The following SETD2 variants were observed in gnomAD, a reference collection of about 807,000 sequenced individuals.
SETD2 encodes SET domain containing 2, histone lysine methyltransferase.
Under a neutral mutation model 242.1 loss-of-function variants are expected in SETD2, and 31 were observed. The ratio of observed to expected loss-of-function variants is 0.13; its 90% CI spans 0.10 to 0.17. SETD2 has a LOEUF of 0.17. SETD2 is among the 10% of genes least tolerant of loss of function. The pLI, the probability that SETD2 is intolerant of heterozygous loss-of-function variation, is 1.00. For synonymous variants in SETD2, 1,006 were observed against 1,066.5 expected (o/e 0.94, Z 1.11); for missense variants, 2,481 against 3,046.3 (o/e 0.81, Z 4.37).
intron 6 of SETD2, 53 bp from the exon 7 acceptor site, chr3:47,103,476 G>A (rs2042292084): frequency 2.5e-6 from 3 of 1,195,352 alleles, no homozygotes; most frequent in East Asian, 4.7e-5. Context: ...AAATATTCAT[G>A]CAATTACCTG....
intron 17 of SETD2, among the ~76,000 whole-genome samples, chr3:47,038,621 AC>A (rs1352997998): frequency 2.6e-5 from 4 of 152,062 alleles, no homozygotes; most frequent in Non-Finnish European, 5.9e-5. Context: ...GTCTTAAAAA[AC>A]AAACAAAAAA....
intron 12 of SETD2, among the ~76,000 whole-genome samples, chr3:47,070,158 C>T (rs946301230): frequency 1.3e-5 from 2 of 152,116 alleles, no homozygotes; most frequent in Non-Finnish European, 2.9e-5. Context: ...CACTCTGTAG[C>T]GGCAGTTAAT....
intron 5 of SETD2, 44 bp downstream of exon 5, chr3:47,113,832 T>G: frequency 6.3e-7 from 1 of 1,589,128 alleles, no homozygotes; most frequent in Non-Finnish European, 8.6e-7. Flanking sequence ...GAGTGAGACC[T>G]TGTCTCAAAA....
intron 15 of SETD2, among the ~76,000 whole-genome samples, chr3:47,050,751 GAC>G (rs1277680212): frequency 2.7e-3 from 57 of 21,240 alleles, no homozygotes; most frequent in African/African-American, 0.017. Flanking sequence ...TTTTTTTTGA[GAC>G]AGAGTCTCAC....
chr3:47,041,969 A>G (rs928230509), intron 17 of SETD2, among the ~76,000 whole-genome samples: 1 of 152,254 alleles, frequency 6.6e-6, no homozygotes, highest in Non-Finnish European at 1.5e-5. Context: ...CCTTTTACAG[A>G]AAAGATCTGT....
chr3:47,024,206 C>T (rs2038364639), intron 18 of SETD2, among the ~76,000 whole-genome samples: 1 of 152,200 alleles, frequency 6.6e-6, no homozygotes, highest in Admixed American at 6.5e-5. Context: ...GGCGTGGTGA[C>T]TCACGCCTGT....
intron 9 of SETD2, 64 bp downstream of exon 9, chr3:47,097,891 C>G (rs2107673620): frequency 6.4e-7 from 1 of 1,558,140 alleles, no homozygotes; most frequent in South Asian, 1.1e-5. Context: ...AACCTTCAAT[C>G]AGAAAAGCCA....
At chr3:47,118,601 G>A (rs1310520365) in intron 3 of SETD2, among the ~76,000 whole-genome samples, 1 of 150,764 alleles carries the variant, frequency 6.6e-6, no homozygotes. Context: ...CCCGGCAGAG[G>A]TTGCAGTGAG....
chr3:47,156,057 G>A (rs1559770802), intron 1 of SETD2, among the ~76,000 whole-genome samples: 1 of 152,120 alleles, frequency 6.6e-6, no homozygotes, highest in East Asian at 1.9e-4. Context: ...AGCAAATTGA[G>A]CAGCCTCTTA....
intron 17 of SETD2, among the ~76,000 whole-genome samples, chr3:47,039,494 T>G (rs1271934828): frequency 6.6e-6 from 1 of 151,724 alleles, no homozygotes; most frequent in African/African-American, 2.4e-5. Flanking sequence ...ACTACAGGCG[T>G]AAGCCACCAT....
intron 1 of SETD2, among the ~76,000 whole-genome samples, chr3:47,161,154 A>G (rs1448425270): frequency 2.0e-5 from 3 of 152,074 alleles, no homozygotes; most frequent in Non-Finnish European, 2.9e-5. Flanking sequence ...TTCATCCTCA[A>G]CTTAAATCCT....
At chr3:47,162,552 G>C (rs1697521244) in intron 1 of SETD2, among the ~76,000 whole-genome samples, 1 of 152,184 alleles carries the variant, frequency 6.6e-6, no homozygotes, top group Admixed American at 6.5e-5. Context: ...CACCTCAACA[G>C]AATCCGTTTG....
At position 47,027,336 on chromosome 3, in the gene SETD2, CAAAAAAAAAA is replaced by C. The variant is rs145911577; in HGVS notation, c.7351-7506_7351-7497del. ...TGGGCGACAGAGCGAGACTCCATCT[CAAAAAAAAAA>C]AAAAAAAAAAAAAAAGAGAACACAT... On this transcript the variant is annotated intron_variant, in intron 18 of 20. Transcript: ENST00000409792. Among the ~76,000 whole-genome samples, 89 of 103,774 alleles carry C rather than the reference CAAAAAAAAAA, an allele frequency of 8.6e-4. 1 individual carries two copies. Among genetic ancestry groups the C allele is most frequent in the African/African-American group, 4.3e-3 (82 of 18,954 alleles). 68.1% of individuals were successfully genotyped at this position (103,774 alleles called of 152,430 possible). A position where few individuals can be genotyped will look rare whatever the true frequency, so the allele number is the denominator to read the frequency against.
Position 47,037,688 on chromosome 3 carries a change from G to T in SETD2, c.7328C>A (p.Thr2443Lys), listed in dbSNP as rs1209297833. The T allele has an allele frequency of 6.2e-7, 1 of 1,613,622 alleles. No individual in the cohort carries two copies. The highest frequency in any genetic ancestry group is 1.7e-5 in the Admixed American group (1 of 60,008). The change falls in exon 18 of 21, where the codon ACA becomes AAA. Residue 2443 changes from threonine (T) to lysine (K), a missense_variant. By Grantham distance (78) the Thr-to-Lys change is moderately conservative. This residue lies in a region of SETD2 where 40 missense variants were observed against 89.5 expected (regional missense o/e 0.45). Transcript: ENST00000409792. ...CACCTTCATGGGGTTTTCATCATATGTTGGAGTTCCCAGGTCCATCTCAGC... is the reference window on the plus strand; with the variant it reads ...CACCTTCATGGGGTTTTCATCATATTTTGGAGTTCCCAGGTCCATCTCAGC... ...HEAEMDLGTP[T>K]YDENPMKASK...
chr3:47,144,236 G>A (rs991590396), intron 1 of SETD2, among the ~76,000 whole-genome samples: 1 of 152,148 alleles, frequency 6.6e-6, no homozygotes, highest in Non-Finnish European at 1.5e-5. Context: ...ACTCACACCT[G>A]TAATCCCAAC....
Position 47,084,305 on chromosome 3 carries a change from T to A in SETD2, c.5475A>T (p.Gln1825His), listed in dbSNP as rs761473538. The change falls in exon 12 of 21, where the codon CAA becomes CAT. Residue 1825 changes from glutamine to histidine, a missense_variant. Physicochemically the swap from Gln to His is conservative, Grantham distance 24. This residue lies in a region of SETD2 where 203 missense variants were observed against 222.4 expected (regional missense o/e 0.91). Coordinates refer to ENST00000409792, the MANE Select transcript of SETD2 (RefSeq NM_014159.7). ...CAGCAGTCTTAGTCTGAGACCAGCG[T>A]TGAATAATTGGAAGTACTTTGCTTT... Reference protein sequence around the residue: ...LEESKVLPIIQRWSQTKTAVP... With the variant: ...LEESKVLPIIHRWSQTKTAVP... The A allele has an allele frequency of 5.6e-6, 9 of 1,614,110 alleles. No individual in the cohort carries two copies. Among genetic ancestry groups the A allele is most frequent in the Non-Finnish European group, 7.6e-6 (9 of 1,179,970 alleles).
At chr3:47,054,913 T>C (rs1288697195) in intron 15 of SETD2, among the ~76,000 whole-genome samples, 1 of 152,168 alleles carries the variant, frequency 6.6e-6, no homozygotes, top group African/African-American at 2.4e-5. Flanking sequence ...AGTAAATAAT[T>C]TGAAAAAGTG....
chr3:47,099,491 A>G (rs1257796838), intron 8 of SETD2, among the ~76,000 whole-genome samples: 1 of 152,248 alleles, frequency 6.6e-6, no homozygotes, highest in Non-Finnish European at 1.5e-5. Context: ...GTGTTCTTTC[A>G]TTATGAGGCA....
intron 13 of SETD2, 54 bp downstream of exon 13, chr3:47,067,016 A>G: frequency 7.2e-7 from 1 of 1,380,664 alleles, no homozygotes; most frequent in Non-Finnish European, 1.0e-6. Flanking sequence ...ACCTCTGCAC[A>G]TAACAAAAGA....
Sources: allele counts gnomAD v4.1 joint callset (sites outside exome capture counted in the v4.1 genomes callset), GRCh38; gene constraint gnomAD v4.1.1; regional missense constraint gnomAD v4.1.1; transcripts MANE v1.5; gene names NCBI Gene and HGNC (gene_info 2026-07-23, HGNC 2026-07-21).